Variants in HMCN2 observed in about 807,000 individuals in gnomAD.
HMCN2 encodes the protein hemicentin 2.
In HMCN2, 325 loss-of-function variants were observed where a neutral mutation model predicts 377.5. The observed-to-expected ratio is 0.86, with a 90% CI of 0.79 to 0.94. The LOEUF (loss-of-function observed/expected upper bound fraction) is 0.94, where lower values mean the gene tolerates loss of function less well. HMCN2 is among the 40% of genes least tolerant of loss of function. HMCN2 has a pLI of 0.00. For missense variants in HMCN2, 4,543 were observed against 4,725.3 expected, an observed-to-expected ratio of 0.96 and a Z score of 1.13; for synonymous variants, 2,007 against 2,046.8, an observed-to-expected ratio of 0.98 and a Z score of 0.53.
At position 130,306,240 on chromosome 9, in the gene HMCN2, G is replaced by C. The variant is rs557231040; in HGVS notation, c.1928G>C (p.Arg643Pro). ...CCCACACCCCACATCTCCTGGAGCC[G>C]TGAGAGCCAAGCCCTACAAGAGGAC... is the stretch of plus-strand genomic sequence containing the variant. ...GYPTPHISWS[R>P]ESQALQEDSR... is the part of the protein sequence containing the mutation. The change falls in exon 12 of 98, where the codon CGT (arginine) becomes CCT (proline). Residue 643 changes from arginine (R) to proline (P), a missense_variant. Arg to Pro is a moderately radical substitution (Grantham distance 103, BLOSUM62 -2). This residue lies in a region of HMCN2 where 547 missense variants were observed against 189.9 expected (regional missense o/e 2.88). Coordinates refer to ENST00000683500, the MANE Select transcript of HMCN2 (RefSeq NM_001291815.2). The C allele has an allele frequency of 2.1e-6, 1 of 471,048 alleles. No individual in the cohort carries two copies. Among genetic ancestry groups the C allele is most frequent in the Non-Finnish European group, 4.4e-6 (1 of 227,030 alleles). The allele number at this position is 471,048 out of a possible 1,614,324, so 29.2% of individuals were successfully genotyped here.
chr9:130,296,651 T>C (rs1554932222), intron 6 of HMCN2, 23 bp from the exon 7 acceptor site: 1 of 470,472 alleles, frequency 2.1e-6, no homozygotes, highest in South Asian at 1.5e-5. Context: ...CCTCTGGTGA[T>C]GTGAGACCTG....
chr9:130,358,538 T>G (rs1016980318), intron 36 of HMCN2, 52 bp downstream of exon 36: 1 of 1,301,148 alleles, frequency 7.7e-7, no homozygotes, highest in Non-Finnish European at 1.0e-6. Context: ...GGGTGATCCC[T>G]TGGGGACCCT....
At chr9:130,419,313 T>C (rs1461507325) in intron 86 of HMCN2, 2 of 326,994 alleles carry the variant, frequency 6.1e-6, no homozygotes, top group Non-Finnish European at 1.1e-5. Context: ...GTCTGGACAC[T>C]GCACAGCCCC....
Position 130,360,383 on chromosome 9 carries a change from G to C in HMCN2, c.5774-45G>C. ...TTACTTCTCTCTTCCATTCCCCCTT[G>C]CTTCTCTCTTCCTTTCCCCCTTGCA... On this transcript the variant is annotated intron_variant, in intron 37 of 97. Transcript: ENST00000683500. This position sits in a 1 kb window ranked among gnomAD's most constrained non-coding sequence, Gnocchi z 4.7. The C allele has an allele frequency of 9.3e-7, 1 of 1,075,530 alleles. No homozygotes were observed. The highest frequency in any genetic ancestry group is 1.8e-5 in the South Asian group (1 of 55,582). The allele number at this position is 1,075,530 out of a possible 1,614,324, so 66.6% of individuals were successfully genotyped here.
intron 11 of HMCN2, among the ~76,000 whole-genome samples, chr9:130,305,776 A>G (rs573222323): frequency 9.2e-5 from 14 of 152,324 alleles, no homozygotes; most frequent in Non-Finnish European, 8.8e-5. Context: ...CCTTGGGGTC[A>G]ACCTCAAGGT....
At chr9:130,317,802 A>C (rs952017318) in intron 15 of HMCN2, among the ~76,000 whole-genome samples, 1 of 29,260 alleles carries the variant, frequency 3.4e-5, no homozygotes, top group Non-Finnish European at 1.2e-4. Flanking sequence ...AACAAACAAA[A>C]AAAACACAAA....
chr9:130,400,990 C>T, intron 77 of HMCN2, 43 bp downstream of exon 77: 2 of 1,256,682 alleles, frequency 1.6e-6, no homozygotes, highest in Non-Finnish European at 2.1e-6. Context: ...TGAGGGGAGA[C>T]TGGGAGAGCA....
chr9:130,426,567 C>T (rs769828346), intron 90 of HMCN2, among the ~76,000 whole-genome samples: 46 of 152,238 alleles, frequency 3.0e-4, no homozygotes, highest in Admixed American at 2.9e-3. Flanking sequence ...AGGGTGTCGC[C>T]GTACAGATGT....
intron 25 of HMCN2, among the ~76,000 whole-genome samples, chr9:130,345,720 G>T (rs1311229629): frequency 6.6e-6 from 1 of 151,908 alleles, no homozygotes; most frequent in Non-Finnish European, 1.5e-5. Flanking sequence ...TCTGGGCAGA[G>T]GATTCCAGAG....
intron 8 of HMCN2, 95 bp downstream of exon 8, chr9:130,299,383 A>T: frequency 2.7e-6 from 1 of 364,752 alleles, no homozygotes; most frequent in Admixed American, 3.8e-5. Flanking sequence ...ATTAAATTAG[A>T]TTAGAAAGTG....
At position 130,428,482 on chromosome 9, in the gene HMCN2, C is replaced by A; in HGVS notation, c.14190C>A (p.Gly4730=). 1.3e-6 allele frequency: 2 copies of A among 1,540,692 alleles called. No individual in the cohort carries two copies. Among genetic ancestry groups the A allele is most frequent in the Non-Finnish European group, 8.7e-7 (1 of 1,146,886 alleles). ...GCTTCCGGGTGGCTGATGGGGCCGGCTGTGAAGGTGATGGGGGCACAGCAT... is the reference window on the plus strand; with the variant it reads ...GCTTCCGGGTGGCTGATGGGGCCGGATGTGAAGGTGATGGGGGCACAGCAT... ...GPGFRVADGA[G]CEDVDECLEG... The change falls in exon 93 of 98, where the codon GGC becomes GGA. Residue 4730 remains glycine (G), a synonymous_variant. Transcript: ENST00000683500. The surrounding 1 kb of genome is among the most constrained non-coding windows in gnomAD (Gnocchi z 5.0).
Position 130,433,350 on chromosome 9 carries a change from C to T in HMCN2, c.14897C>T (p.Thr4966Met), listed in dbSNP as rs983348126. 15 of 1,446,540 alleles carry T rather than the reference C, an allele frequency of 1.0e-5. No individual in the cohort carries two copies. In the African/African-American group the frequency reaches 2.1e-4, roughly 20 times the overall value. The allele number at this position is 1,446,540 out of a possible 1,614,324, so 89.6% of individuals were successfully genotyped here. Reference protein sequence around the residue: ...ATYRQGPSPGTCFRRCSQDCG... With the variant: ...ATYRQGPSPGMCFRRCSQDCG... ...CCGTGTGTCTGTGCCGCCCGCAGGACGTGCTTCCGGCGCTGCTCGCAGGAC... is the reference window on the plus strand; with the variant it reads ...CCGTGTGTCTGTGCCGCCCGCAGGATGTGCTTCCGGCGCTGCTCGCAGGAC... The change falls in exon 98 of 98, where the codon ACG becomes ATG. Residue 4966 changes from threonine (T) to methionine (M), a missense_variant and splice_region_variant. Physicochemically the swap from Thr to Met is moderately conservative, Grantham distance 81. Transcript: ENST00000683500.
chr9:130,387,297 T>C (rs552678494), intron 61 of HMCN2, among the ~76,000 whole-genome samples: 11 of 152,258 alleles, frequency 7.2e-5, no homozygotes, highest in Admixed American at 5.9e-4. Flanking sequence ...AAAATATAGT[T>C]GAGTAAATGA....
intron 4 of HMCN2, among the ~76,000 whole-genome samples, chr9:130,287,899 A>G (rs1588176141): frequency 6.6e-6 from 1 of 152,130 alleles, no homozygotes; most frequent in Non-Finnish European, 1.5e-5. Context: ...TTGTGTGTGT[A>G]TATTTACGAG....
At chr9:130,306,634 A>G (rs1836874847) in intron 12 of HMCN2, among the ~76,000 whole-genome samples, 177 bp from the exon 13 acceptor site, 1 of 143,732 alleles carries the variant, frequency 7.0e-6, no homozygotes, top group South Asian at 2.2e-4. Context: ...TGGGCAAGTC[A>G]TCTTACCTCT....
intron 54 of HMCN2, among the ~76,000 whole-genome samples, chr9:130,380,753 C>T (rs1407964407): frequency 6.6e-6 from 1 of 150,658 alleles, no homozygotes; most frequent in Non-Finnish European, 1.5e-5. Context: ...CACCACTGCA[C>T]TCCAGCCTGA....
Position 130,347,884 on chromosome 9 carries a change from G to T in HMCN2, c.4024+524G>T. ...CTTAAAAAATTATTTTTAAAAATGA[G>T]CACGGATGGCAGTGCAGAGCCCCAG... On this transcript the variant is annotated intron_variant, in intron 26 of 97. Coordinates refer to ENST00000683500, the MANE Select transcript of HMCN2 (RefSeq NM_001291815.2). This position sits in a 1 kb window ranked among gnomAD's most constrained non-coding sequence, Gnocchi z 5.1. 1 of 375,886 alleles carries T rather than the reference G, an allele frequency of 2.7e-6. No individual in the cohort carries two copies. The highest frequency in any genetic ancestry group is 3.7e-6 in the Non-Finnish European group (1 of 273,328). The allele number at this position is 375,886 out of a possible 1,614,324, so 23.3% of individuals were successfully genotyped here. A position where few individuals can be genotyped will look rare whatever the true frequency, so the allele number is the denominator to read the frequency against.
chr9:130,287,262 C>G (rs781902673), intron 4 of HMCN2, among the ~76,000 whole-genome samples: 16 of 152,112 alleles, frequency 1.1e-4, no homozygotes, highest in Non-Finnish European at 2.2e-4. Context: ...CCCCTGGTAT[C>G]CCCTTGCCCA....
Position 130,425,021 on chromosome 9 carries a change from C to T in HMCN2, c.13532C>T (p.Thr4511Met), listed in dbSNP as rs962505782. Residue 4511 changes from threonine to methionine, a missense_variant, in exon 89 of 98, where the codon ACG becomes ATG. Thr to Met is a moderately conservative substitution (Grantham distance 81, BLOSUM62 -1). This residue lies in a region of HMCN2 where 1,155 missense variants were observed against 1,157.7 expected (regional missense o/e 1.00). Transcript: ENST00000683500. Reference protein sequence around the residue: ...HVEFATGELLTMTQVARGLDP... With the variant: ...HVEFATGELLMMTQVARGLDP... ...GGATGGTTTGCAGGGGAGCTGCTCA[C>T]GATGACCCAGGTGGCCCGGGGTCTG... The T allele has an allele frequency of 1.1e-4, 173 of 1,547,192 alleles. No homozygotes were observed. The highest frequency in any genetic ancestry group is 1.4e-4 in the Non-Finnish European group (155 of 1,145,240).
Sources: allele counts gnomAD v4.1 joint callset (sites outside exome capture counted in the v4.1 genomes callset), GRCh38; gene constraint gnomAD v4.1.1; regional missense constraint gnomAD v4.1.1; non-coding constraint Gnocchi (gnomAD v3.1); transcripts MANE v1.5; gene names NCBI Gene and HGNC (gene_info 2026-07-23, HGNC 2026-07-21).